The following EPHA5 variants were observed in gnomAD, a reference collection of about 807,000 sequenced individuals.
EPHA5 encodes the protein EPH receptor A5.
In EPHA5, 60 loss-of-function variants were observed where a neutral mutation model predicts 105.0. The observed-to-expected ratio is 0.57, with a 90% confidence interval of 0.46 to 0.71. The LOEUF (loss-of-function observed/expected upper bound fraction) is 0.71. Among genes scored for constraint, EPHA5 ranks in the 30% least tolerant of loss-of-function variants. The pLI, the probability that EPHA5 is intolerant of heterozygous loss-of-function variation, is 0.00. For synonymous variants in EPHA5, 513 were observed against 449.1 expected (o/e 1.14, Z -1.80); for missense variants, 1,218 against 1,274.7 (o/e 0.96, Z 0.68).
At chr4:65,382,306 C>G (rs559947240) in intron 8 of EPHA5, among the ~76,000 whole-genome samples, 41 of 151,248 alleles carry the variant, frequency 2.7e-4, no homozygotes, top group African/African-American at 9.9e-4. Context: ...TCAAGCTATA[C>G]TTCAATAATG....
At chr4:65,409,289 A>G (rs1207846263) in intron 7 of EPHA5, among the ~76,000 whole-genome samples, 5 of 131,686 alleles carry the variant, frequency 3.8e-5, no homozygotes, top group Admixed American at 7.7e-5. Flanking sequence ...ATGTATACAT[A>G]TGTAACAAAC....
intron 5 of EPHA5, among the ~76,000 whole-genome samples, chr4:65,436,845 C>T (rs574195074): frequency 1.3e-5 from 2 of 152,082 alleles, no homozygotes; most frequent in South Asian, 4.1e-4. Context: ...TGCCAAAAGT[C>T]TTTTTCCCCC....
chr4:65,473,645 G>T (rs1421096796), intron 5 of EPHA5, among the ~76,000 whole-genome samples: 1 of 152,036 alleles, frequency 6.6e-6, no homozygotes. Context: ...CCTCCCACCT[G>T]GTCTCTCCCT....
At chr4:65,381,981 T>C (rs1047862321) in intron 8 of EPHA5, among the ~76,000 whole-genome samples, 4 of 151,862 alleles carry the variant, frequency 2.6e-5, no homozygotes, top group African/African-American at 7.2e-5. Context: ...ATTATTTAAA[T>C]GCAAGTTTTA....
At chr4:65,479,702 T>C (rs888529606) in intron 5 of EPHA5, among the ~76,000 whole-genome samples, 25 of 152,108 alleles carry the variant, frequency 1.6e-4, no homozygotes, top group African/African-American at 5.3e-4. Flanking sequence ...TGAGTTGATA[T>C]GAAAAGTGCA....
chr4:65,431,886 T>A (rs951090309), intron 5 of EPHA5, among the ~76,000 whole-genome samples: 2 of 151,888 alleles, frequency 1.3e-5, no homozygotes, highest in African/African-American at 2.4e-5. Flanking sequence ...ATGTGGTATG[T>A]GCCCAATAAA....
intron 3 of EPHA5, among the ~76,000 whole-genome samples, chr4:65,561,310 G>A (rs1468524617): frequency 2.0e-5 from 3 of 152,054 alleles, no homozygotes; most frequent in Non-Finnish European, 4.4e-5. Context: ...TCACTAGAAT[G>A]CCAATCACTT....
At chr4:65,584,324 C>G (rs1283566097) in intron 3 of EPHA5, among the ~76,000 whole-genome samples, 2 of 151,786 alleles carry the variant, frequency 1.3e-5, no homozygotes, top group Admixed American at 6.6e-5. Flanking sequence ...AAATGCCAAT[C>G]TTTAATGTCT....
intron 4 of EPHA5, among the ~76,000 whole-genome samples, chr4:65,492,305 G>A (rs922791207): frequency 2.0e-5 from 3 of 151,806 alleles, no homozygotes; most frequent in African/African-American, 7.3e-5. Context: ...AGGTTCAAAT[G>A]ACTCTCCTGC....
At chr4:65,482,064 G>A (rs560284225) in intron 5 of EPHA5, among the ~76,000 whole-genome samples, 2 of 152,246 alleles carry the variant, frequency 1.3e-5, no homozygotes, top group East Asian at 3.9e-4. Flanking sequence ...TTGGGAGGAC[G>A]AGGCAGGTGT....
chr4:65,377,103 C>A (rs1419935541), intron 8 of EPHA5: 17 of 1,581,310 alleles, frequency 1.1e-5, no homozygotes, highest in Non-Finnish European at 1.5e-5. Flanking sequence ...AGGAAGAGAT[C>A]CCACTCCCTC....
intron 1 of EPHA5, among the ~76,000 whole-genome samples, chr4:65,662,533 G>T (rs542860959): frequency 1.5e-4 from 23 of 152,094 alleles, no homozygotes; most frequent in Admixed American, 8.5e-4. Context: ...CAAGTGTTTG[G>T]CATAACTCAA....
chr4:65,600,551 A>T (rs1426585239), intron 3 of EPHA5, among the ~76,000 whole-genome samples: 1 of 152,146 alleles, frequency 6.6e-6, no homozygotes, highest in Non-Finnish European at 1.5e-5. Context: ...CTGGATCGAT[A>T]ATCAATCTAC....
At chr4:65,561,604 C>A (rs1167204611) in intron 3 of EPHA5, among the ~76,000 whole-genome samples, 1 of 152,012 alleles carries the variant, frequency 6.6e-6, no homozygotes, top group Non-Finnish European at 1.5e-5. Flanking sequence ...TGAGTAAAAG[C>A]AGAAAGTGAG....
At chr4:65,472,911 G>A (rs1043791685) in intron 5 of EPHA5, among the ~76,000 whole-genome samples, 4 of 152,076 alleles carry the variant, frequency 2.6e-5, no homozygotes, top group African/African-American at 4.8e-5. Flanking sequence ...AATTTCTCCC[G>A]AGAAAATGGG....
Position 65,341,360 on chromosome 4 carries a change from G to C in EPHA5, c.2596-5235C>G, listed in dbSNP as rs1460607933. On this transcript the variant is annotated intron_variant, in intron 14 of 16. Transcript: ENST00000613740. ...TTAAGTATTTTTGTCATGAAAACCT[G>C]TGGTCTTTCCATCTTGGTGCTGAGT... Among the ~76,000 whole-genome samples, 3 of 151,964 alleles carry C rather than the reference G, an allele frequency of 2.0e-5. No homozygotes were observed. The East Asian group carries it at 5.8e-4, about 29-fold the overall frequency.
intron 8 of EPHA5, among the ~76,000 whole-genome samples, chr4:65,381,225 A>G (rs1281531627): frequency 6.6e-6 from 1 of 151,768 alleles, no homozygotes; most frequent in African/African-American, 2.4e-5. Context: ...ATGATAAAAT[A>G]TTTGTTCAGT....
At chr4:65,435,303 T>G (rs1371252692) in intron 5 of EPHA5, among the ~76,000 whole-genome samples, 1 of 152,122 alleles carries the variant, frequency 6.6e-6, no homozygotes. Flanking sequence ...GTGGAAGCAT[T>G]TTCATTGATG....
At chr4:65,327,701 A>G (rs1462829790) in intron 16 of EPHA5, among the ~76,000 whole-genome samples, 2 of 151,308 alleles carry the variant, frequency 1.3e-5, no homozygotes, top group Non-Finnish European at 3.0e-5. Flanking sequence ...TCAGCAACTA[A>G]GTAGTTTCTT....
Sources: gnomAD v4.1 joint callset for allele counts (sites outside exome capture counted in the v4.1 genomes callset) on GRCh38, gnomAD v4.1.1 for gene constraint, MANE v1.5 for transcripts, NCBI Gene and HGNC (gene_info 2026-07-23, HGNC 2026-07-21) for gene names.